The following MTHFD2L variants were observed in gnomAD, a reference collection of about 807,000 sequenced individuals.
MTHFD2L encodes bifunctional methylenetetrahydrofolate dehydrogenase/cyclohydrolase 2, mitochondrial.
MTHFD2L carries 29 observed loss-of-function variants against 34.9 expected under a neutral mutation model. That is an observed-to-expected ratio of 0.83 (90% CI 0.62 to 1.13). The LOEUF is 1.13. MTHFD2L is among the 50% of genes most tolerant of loss of function. The probability of loss-of-function intolerance (pLI) is 0.00; values close to 1 mark genes in which losing one functional copy is unlikely to be tolerated. For synonymous variants in MTHFD2L, 167 were observed against 155.7 expected (o/e 1.07, Z -0.54); for missense variants, 481 against 446.5 (o/e 1.08, Z -0.70).
At chr4:74,126,776 T>A (rs1722107499) in intron 1 of MTHFD2L, among the ~76,000 whole-genome samples, 1 of 152,160 alleles carries the variant, frequency 6.6e-6, no homozygotes, top group Non-Finnish European at 1.5e-5. Context: ...TATATTTTTT[T>A]ATTTTTTCAT....
chr4:74,243,241 A>T (rs1172007245), intron 6 of MTHFD2L, among the ~76,000 whole-genome samples: 2 of 152,178 alleles, frequency 1.3e-5, no homozygotes, highest in African/African-American at 4.8e-5. Flanking sequence ...CATAAATCGG[A>T]TATATTTTTA....
At chr4:74,288,953 T>A (rs920725737) in intron 7 of MTHFD2L, among the ~76,000 whole-genome samples, 1 of 152,210 alleles carries the variant, frequency 6.6e-6, no homozygotes, top group Non-Finnish European at 1.5e-5. Context: ...TGGCTTATTT[T>A]CAGTCTCTTG....
At chr4:74,252,375 CA>C (rs1003151784) in intron 6 of MTHFD2L, among the ~76,000 whole-genome samples, 11 of 151,214 alleles carry the variant, frequency 7.3e-5, no homozygotes, top group African/African-American at 2.7e-4. Context: ...ACAACATAGG[CA>C]CTTAACAAAG....
intron 1 of MTHFD2L, among the ~76,000 whole-genome samples, chr4:74,158,791 G>A (rs1423592821): frequency 6.6e-6 from 1 of 152,072 alleles, no homozygotes; most frequent in Non-Finnish European, 1.5e-5. Context: ...GTCTTTTCAT[G>A]TATGGCTCTC....
chr4:74,201,631 G>A (rs1734453743), intron 5 of MTHFD2L, among the ~76,000 whole-genome samples: 1 of 150,556 alleles, frequency 6.6e-6, no homozygotes, highest in Non-Finnish European at 1.5e-5. Context: ...ATTAAGAAAG[G>A]TGCAAAGCTA....
chr4:74,262,338 T>C (rs1233240218), intron 6 of MTHFD2L, among the ~76,000 whole-genome samples: 2 of 151,782 alleles, frequency 1.3e-5, no homozygotes, highest in African/African-American at 4.8e-5. Context: ...AGGATTTTCT[T>C]AGAAAAGATA....
At chr4:74,123,644 T>A (rs1024214901), upstream of MTHFD2L, among the ~76,000 whole-genome samples, 6 of 152,134 alleles carry the variant, frequency 3.9e-5, no homozygotes, top group Non-Finnish European at 8.8e-5. Context: ...TACTTAAAAT[T>A]TTTTTATGTA....
chr4:74,172,306 C>CTTGTACATG (rs1728173683), intron 1 of MTHFD2L, among the ~76,000 whole-genome samples: 1 of 152,102 alleles, frequency 6.6e-6, no homozygotes, highest in Admixed American at 6.6e-5. Context: ...AAAACTTAAA[C>CTTGTACATG]TTGTACATGT....
At position 74,174,533 on chromosome 4, in the gene MTHFD2L, C is replaced by A; in HGVS notation, c.171C>A (p.Thr57=). The A allele has an allele frequency of 1.3e-6, 2 of 1,564,640 alleles. No individual in the cohort carries two copies. Among genetic ancestry groups the A allele is most frequent in the South Asian group, 1.2e-5 (1 of 82,398 alleles). The change falls in exon 2 of 8, where the codon ACC becomes ACA. Residue 57 remains threonine (T), a synonymous_variant. Transcript: ENST00000325278. ...VRHEAIIISG[T]EMAKHIQKEI... is the part of the protein sequence containing the mutation. ...ATGAAGCCATTATTATATCAGGAAC[C>A]GAAATGGCCAAGCATATCCAGAAAG...
At chr4:74,216,025 T>C (rs1737159329) in intron 5 of MTHFD2L, among the ~76,000 whole-genome samples, 1 of 151,592 alleles carries the variant, frequency 6.6e-6, no homozygotes, top group Non-Finnish European at 1.5e-5. Context: ...AAGAAACATG[T>C]GCTCAATAAA....
At chr4:74,152,069 G>A (rs1723973565) in intron 1 of MTHFD2L, among the ~76,000 whole-genome samples, 1 of 152,032 alleles carries the variant, frequency 6.6e-6, no homozygotes, top group African/African-American at 2.4e-5. Context: ...TCGTTTAGTT[G>A]TGGTAAAGTT....
At chr4:74,265,906 C>T (rs1040001138) in intron 6 of MTHFD2L, among the ~76,000 whole-genome samples, 6 of 152,092 alleles carry the variant, frequency 3.9e-5, no homozygotes, top group Non-Finnish European at 5.9e-5. Context: ...GATGTGGAGA[C>T]GTCATTACTT....
intron 1 of MTHFD2L, among the ~76,000 whole-genome samples, chr4:74,143,959 A>G (rs1723434108): frequency 6.6e-6 from 1 of 152,166 alleles, no homozygotes; most frequent in Admixed American, 6.5e-5. Flanking sequence ...ATGAAATGAG[A>G]AGGTAGCAAT....
intron 6 of MTHFD2L, among the ~76,000 whole-genome samples, chr4:74,278,732 G>C (rs1238121942): frequency 6.6e-6 from 1 of 152,040 alleles, no homozygotes; most frequent in African/African-American, 2.4e-5. Flanking sequence ...TTCCAAGAGA[G>C]ATAAGAAGCA....
chr4:74,289,447 T>A (rs1007942438), intron 7 of MTHFD2L, among the ~76,000 whole-genome samples: 8 of 152,112 alleles, frequency 5.3e-5, no homozygotes, highest in Middle Eastern at 3.4e-3. Flanking sequence ...GAGAATAAAG[T>A]CAAAGAGGTA....
chr4:74,301,943 A>C lies in MTHFD2L; in HGVS notation c.*134A>C. On this transcript the variant is annotated 3_prime_UTR_variant, in exon 8 of 8. Coordinates refer to ENST00000325278, the MANE Select transcript of MTHFD2L (RefSeq NM_001144978.3). ...TTTTTCATGGGTGAAATCATTGTGA[A>C]TCAATTGATTCACATAGTTTTATGC... 1 of 473,240 alleles carries C rather than the reference A, an allele frequency of 2.1e-6. No individual in the cohort carries two copies. The highest frequency in any genetic ancestry group is 3.8e-6 in the Non-Finnish European group (1 of 266,530). The allele number at this position is 473,240 out of a possible 1,614,324, so 29.3% of individuals were successfully genotyped here.
intron 3 of MTHFD2L, among the ~76,000 whole-genome samples, chr4:74,188,878 C>T (rs183049354): frequency 3.3e-5 from 5 of 150,778 alleles, no homozygotes; most frequent in African/African-American, 1.2e-4. Context: ...TGTATGCCGT[C>T]TATTATATTC....
At chr4:74,232,983 A>G (rs1560513937) in intron 6 of MTHFD2L, among the ~76,000 whole-genome samples, 1 of 152,242 alleles carries the variant, frequency 6.6e-6, no homozygotes, top group African/African-American at 2.4e-5. Context: ...GATTATTTGC[A>G]TCGTAACCCA....
intron 6 of MTHFD2L, among the ~76,000 whole-genome samples, chr4:74,233,008 T>C (rs1476665932): frequency 6.8e-6 from 1 of 146,266 alleles, no homozygotes; most frequent in Admixed American, 7.1e-5. Context: ...ATTTATCGTA[T>C]TGGTCTTAAG....
Sources: gnomAD v4.1 joint callset for allele counts (sites outside exome capture counted in the v4.1 genomes callset) on GRCh38, gnomAD v4.1.1 for gene constraint, MANE v1.5 for transcripts, NCBI Gene and HGNC (gene_info 2026-07-23, HGNC 2026-07-21) for gene names.